Variants in CELF4 observed in about 807,000 individuals in gnomAD.
CELF4 encodes CUGBP Elav-like family member 4, also known as CUG-BP- and ETR-3-like factor 4.
CELF4 carries 18 observed loss-of-function variants against 59.9 expected under a neutral mutation model. The observed-to-expected ratio is 0.30, with a 90% CI of 0.21 to 0.45. CELF4 has a LOEUF of 0.45. CELF4 is among the 20% of genes least tolerant of loss of function. CELF4 has a pLI of 1.00. For missense variants in CELF4, 456 were observed against 689.0 expected (o/e 0.66, Z 3.79); for synonymous variants, 261 against 267.1 (o/e 0.98, Z 0.22).
At chr18:37,375,353 T>C (rs951850585) in intron 2 of CELF4, among the ~76,000 whole-genome samples, 11 of 152,092 alleles carry the variant, frequency 7.2e-5, no homozygotes, top group Non-Finnish European at 4.4e-5. Flanking sequence ...GCTGGACGGC[T>C]CTCGGGGCCA....
In CELF4 at chr18:37,497,978, G is replaced by T. The variant is rs571072387; in HGVS notation, c.287-12371C>A. On this transcript the variant is annotated intron_variant, in intron 1 of 12. Transcript: ENST00000420428. ...CTGATAGAGCCAGTGTGTGAGATGG[G>T]TAGGCTGCCTGCAGAGCCCATGTCC... Among the ~76,000 whole-genome samples the T allele has an allele frequency of 7.9e-5, 12 of 152,276 alleles. No individual in the cohort carries two copies. In the South Asian group the frequency reaches 2.5e-3, roughly 32 times the overall value.
intron 1 of CELF4, among the ~76,000 whole-genome samples, chr18:37,548,491 G>A (rs577535844): frequency 9.9e-5 from 15 of 152,270 alleles, no homozygotes; most frequent in Admixed American, 5.2e-4. Context: ...TCACTGTCAC[G>A]TAGTAGGTGC....
In CELF4 at chr18:37,485,517, C is replaced by T; in HGVS notation, c.369+8G>A. ...TCGGCCGCTTGCGCCACGGCGGGCG[C>T]CACTTACCCCGGGCAGAGTCTTCTG... On this transcript the variant is annotated splice_region_variant and intron_variant, in intron 2 of 12. Transcript: ENST00000420428. 1.5e-6 allele frequency: 2 copies of T among 1,355,670 alleles called. No homozygotes were observed. Among genetic ancestry groups the T allele is most frequent in the South Asian group, 2.0e-5 (1 of 49,572 alleles). The allele number at this position is 1,355,670 out of a possible 1,614,324, so 84.0% of individuals were successfully genotyped here.
At chr18:37,539,219 C>T (rs554673561) in intron 1 of CELF4, among the ~76,000 whole-genome samples, 1 of 152,308 alleles carries the variant, frequency 6.6e-6, no homozygotes, top group East Asian at 1.9e-4. Flanking sequence ...CACATATTAT[C>T]TCATGTAATG....
At chr18:37,356,042 C>G (rs2098557568) in intron 2 of CELF4, among the ~76,000 whole-genome samples, 1 of 152,182 alleles carries the variant, frequency 6.6e-6, no homozygotes, top group Admixed American at 6.5e-5. Context: ...GGCCTGGCCC[C>G]AGGGTCTCTC....
At chr18:37,432,808 T>A (rs1340029742) in intron 2 of CELF4, among the ~76,000 whole-genome samples, 1 of 152,142 alleles carries the variant, frequency 6.6e-6, no homozygotes, top group Non-Finnish European at 1.5e-5. Context: ...CTCCTCAACA[T>A]TCTCCTCTTT....
chr18:37,378,317 C>T (rs2098995831), intron 2 of CELF4, among the ~76,000 whole-genome samples: 2 of 152,138 alleles, frequency 1.3e-5, no homozygotes, highest in Admixed American at 1.3e-4. Flanking sequence ...AGTGGCTCCG[C>T]AGGGCTGGGC....
chr18:37,368,188 G>A (rs185335051), intron 2 of CELF4, among the ~76,000 whole-genome samples: 26 of 152,204 alleles, frequency 1.7e-4, no homozygotes, highest in Admixed American at 1.6e-3. Flanking sequence ...TCCTTCGGGC[G>A]AGAACTCAGC....
intron 3 of CELF4, 50 bp from the exon 4 acceptor site, chr18:37,275,293 G>A (rs1398906963): frequency 6.2e-7 from 1 of 1,608,442 alleles, no homozygotes; most frequent in African/African-American, 1.3e-5. Flanking sequence ...CGGGCTGCGC[G>A]GGAGCAGGGC....
At chr18:37,333,399 A>C (rs2097632753) in intron 2 of CELF4, among the ~76,000 whole-genome samples, 1 of 134,440 alleles carries the variant, frequency 7.4e-6, no homozygotes, top group African/African-American at 2.9e-5. Flanking sequence ...CCCTCTTCCT[A>C]TTTCTCCTCC....
chr18:37,269,086 G>A (rs1483685751), intron 8 of CELF4, among the ~76,000 whole-genome samples: 1 of 152,114 alleles, frequency 6.6e-6, no homozygotes, highest in African/African-American at 2.4e-5. Flanking sequence ...GGGAAATGAA[G>A]CCACCCAGAT....
At chr18:37,335,157 A>C (rs1269316110) in intron 2 of CELF4, among the ~76,000 whole-genome samples, 1 of 152,024 alleles carries the variant, frequency 6.6e-6, no homozygotes, top group Non-Finnish European at 1.5e-5. Flanking sequence ...AATCGGGTTA[A>C]ATTCCAGACA....
intron 2 of CELF4, among the ~76,000 whole-genome samples, chr18:37,324,744 T>C (rs1011197423): frequency 1.3e-5 from 2 of 152,124 alleles, no homozygotes; most frequent in African/African-American, 4.8e-5. Flanking sequence ...CAAGGATCCA[T>C]AACACCCCTG....
intron 2 of CELF4, among the ~76,000 whole-genome samples, chr18:37,456,298 T>C (rs529260379): frequency 6.6e-6 from 1 of 152,256 alleles, no homozygotes; most frequent in African/African-American, 2.4e-5. Flanking sequence ...GTAAGGACTC[T>C]GGAAGTGGCC....
intron 8 of CELF4, among the ~76,000 whole-genome samples, chr18:37,269,337 A>G (rs1239293722): frequency 6.6e-6 from 1 of 152,192 alleles, no homozygotes. Context: ...GGAAAACTCC[A>G]AGTTCAAAGT....
At chr18:37,363,355 T>C (rs1314213884) in intron 2 of CELF4, among the ~76,000 whole-genome samples, 3 of 152,212 alleles carry the variant, frequency 2.0e-5, no homozygotes, top group African/African-American at 7.2e-5. Flanking sequence ...GGAGGAAACA[T>C]TTTTCCAGGT....
At chr18:37,457,812 A>C (rs1051331192) in intron 2 of CELF4, among the ~76,000 whole-genome samples, 1 of 152,056 alleles carries the variant, frequency 6.6e-6, no homozygotes, top group African/African-American at 2.4e-5. Context: ...CTGACCCCCA[A>C]GTTGTTTCCC....
At chr18:37,510,040 G>A (rs2099942480) in intron 1 of CELF4, among the ~76,000 whole-genome samples, 2 of 152,336 alleles carry the variant, frequency 1.3e-5, no homozygotes, top group Middle Eastern at 3.4e-3. Context: ...TAATGCACAC[G>A]AAGGTTTCCT....
chr18:37,339,432 G>A (rs1248858458), intron 2 of CELF4, among the ~76,000 whole-genome samples: 2 of 152,160 alleles, frequency 1.3e-5, no homozygotes, highest in Non-Finnish European at 2.9e-5. Context: ...GCATGAGTGT[G>A]CTCATACATG....
Sources: gnomAD v4.1 joint callset for allele counts (sites outside exome capture counted in the v4.1 genomes callset) on GRCh38, gnomAD v4.1.1 for gene constraint, MANE v1.5 for transcripts, NCBI Gene and HGNC (gene_info 2026-07-23, HGNC 2026-07-21) for gene names.